Variants in CKAP4 observed in about 807,000 individuals in gnomAD.
The protein encoded by CKAP4 is cytoskeleton-associated protein 4.
In CKAP4, 20 loss-of-function variants were observed where a neutral mutation model predicts 24.4. That is an observed-to-expected ratio of 0.82 (90% CI 0.58 to 1.19). CKAP4 has a LOEUF of 1.19. CKAP4 is among the 50% of genes most tolerant of loss of function. The pLI is 0.00. For synonymous variants in CKAP4, 378 were observed against 351.7 expected (o/e 1.07, Z -0.84); for missense variants, 744 against 765.3 (o/e 0.97, Z 0.33).
Position 106,247,834 on chromosome 12 carries a change from T to C in CKAP4, c.18A>G (p.Gln6=). Residue 6 remains glutamine (Q), a synonymous_variant, in exon 1 of 2, where the codon CAA becomes CAG. Coordinates refer to ENST00000378026, the MANE Select transcript of CKAP4 (RefSeq NM_006825.4). This position sits in a 1 kb window ranked among gnomAD's most constrained non-coding sequence, Gnocchi z 4.5. MPSAK[Q]RGSKGGHGAA... ...CGCCGTGGCCGCCCTTGGAGCCCCT[T>C]TGTTTGGCCGAGGGCATGGCGGGCG... The C allele has an allele frequency of 9.6e-7, 1 of 1,037,510 alleles. No individual in the cohort carries two copies. The highest frequency in any genetic ancestry group is 1.2e-6 in the Non-Finnish European group (1 of 867,708). 64.3% of individuals were successfully genotyped at this position (1,037,510 alleles called of 1,614,324 possible). A position where few individuals can be genotyped will look rare whatever the true frequency, so the allele number is the denominator to read the frequency against.
In CKAP4 at chr12:106,238,699, A is replaced by C; in HGVS notation, c.*325T>G. 5.0e-6 allele frequency: 1 copy of C among 200,328 alleles called. No individual in the cohort carries two copies. The highest frequency in any genetic ancestry group is 9.9e-6 in the Non-Finnish European group (1 of 100,990). The allele number at this position is 200,328 out of a possible 1,614,324, so 12.4% of individuals were successfully genotyped here. A position where few individuals can be genotyped will look rare whatever the true frequency, so the allele number is the denominator to read the frequency against. ...TTTACTTGAAATCTGCCAGCCAGAC[A>C]GGATTTCTGAGGTTAATCTGCTTCT... On this transcript the variant is annotated 3_prime_UTR_variant, in exon 2 of 2. Coordinates refer to ENST00000378026, the MANE Select transcript of CKAP4 (RefSeq NM_006825.4).
intron 1 of CKAP4, among the ~76,000 whole-genome samples, chr12:106,240,650 A>G (rs1592897059): frequency 6.9e-6 from 1 of 144,560 alleles, no homozygotes; most frequent in Non-Finnish European, 1.5e-5. Context: ...ACATGGTGCC[A>G]CCTTTAATGC....
At position 106,247,846 on chromosome 12, in the gene CKAP4, G is replaced by T; in HGVS notation, c.6C>A (p.Pro2=). M[P]SAKQRGSKGG... is the part of the protein sequence containing the mutation. Reference sequence around the variant, plus strand: ...CCTTGGAGCCCCTTTGTTTGGCCGAGGGCATGGCGGGCGCGGCGGCGGCTC... The same window carrying T: ...CCTTGGAGCCCCTTTGTTTGGCCGATGGCATGGCGGGCGCGGCGGCGGCTC... Residue 2 remains proline, a synonymous_variant, in exon 1 of 2, where the codon CCC becomes CCA. Coordinates refer to ENST00000378026, the MANE Select transcript of CKAP4 (RefSeq NM_006825.4). This position sits in a 1 kb window ranked among gnomAD's most constrained non-coding sequence, Gnocchi z 4.5. 9.6e-7 allele frequency: 1 copy of T among 1,041,050 alleles called. No individual in the cohort carries two copies. The highest frequency in any genetic ancestry group is 1.2e-6 in the Non-Finnish European group (1 of 868,504). The allele number at this position is 1,041,050 out of a possible 1,614,324, so 64.5% of individuals were successfully genotyped here.
intron 1 of CKAP4, among the ~76,000 whole-genome samples, chr12:106,241,299 T>C (rs1565948882): frequency 6.6e-6 from 1 of 151,586 alleles, no homozygotes; most frequent in Non-Finnish European, 1.5e-5. Context: ...CCTAAAATGC[T>C]TTGGGTAAAC....
At chr12:106,246,823 T>TAA (rs2034015219) in intron 1 of CKAP4, 1 of 152,320 alleles carries the variant, frequency 6.6e-6, no homozygotes, top group African/African-American at 2.4e-5. Flanking sequence ...ACAAGGGACC[T>TAA]AAAGATAGAT....
Position 106,247,650 on chromosome 12 carries a change from C to A in CKAP4, c.202G>T (p.Gly68Cys). Reference protein sequence around the residue: ...HPQNQAHGKGGHRGGGGGGGK... With the variant: ...HPQNQAHGKGCHRGGGGGGGK... ...CCGCCGCCGCCGCCGCCGCGGTGGC[C>A]GCCCTTGCCGTGCGCCTGGTTCTGC... The change falls in exon 1 of 2, where the codon GGC (glycine) becomes TGC (cysteine). Residue 68 changes from glycine (G) to cysteine (C), a missense_variant. Coordinates refer to ENST00000378026, the MANE Select transcript of CKAP4 (RefSeq NM_006825.4). This position sits in a 1 kb window ranked among gnomAD's most constrained non-coding sequence, Gnocchi z 4.5. 2.8e-6 allele frequency: 3 copies of A among 1,075,660 alleles called. No individual in the cohort carries two copies. Among genetic ancestry groups the A allele is most frequent in the Middle Eastern group, 3.8e-4 (1 of 2,658 alleles). 66.6% of individuals were successfully genotyped at this position (1,075,660 alleles called of 1,614,324 possible). A position where few individuals can be genotyped will look rare whatever the true frequency, so the allele number is the denominator to read the frequency against.
Position 106,247,720 on chromosome 12 carries a change from CGG to C in CKAP4, c.130_131del (p.Pro44AlafsTer129). ...KKPPPAPQQP[P>X]PPPAPHPQQH... ...GCTGCGGGTGCGGCGCGGGCGGCGG[CGG>C]CGGCTGCTGCGGCGCCGGCGGCGGC... On this transcript the variant is annotated frameshift_variant, in exon 1 of 2. Transcript: ENST00000378026. This position sits in a 1 kb window ranked among gnomAD's most constrained non-coding sequence, Gnocchi z 4.5. The C allele has an allele frequency of 9.6e-7, 1 of 1,043,238 alleles. No individual in the cohort carries two copies. The highest frequency in any genetic ancestry group is 1.1e-6 in the Non-Finnish European group (1 of 873,480). 64.6% of individuals were successfully genotyped at this position (1,043,238 alleles called of 1,614,324 possible). A position where few individuals can be genotyped will look rare whatever the true frequency, so the allele number is the denominator to read the frequency against.
chr12:106,239,893 G>C lies in CKAP4; in HGVS notation c.940C>G (p.Leu314Val), dbSNP rs757898039. 2.5e-6 allele frequency: 4 copies of C among 1,612,836 alleles called. No individual in the cohort carries two copies. In the East Asian group the frequency reaches 8.9e-5, roughly 36 times the overall value. ...EWDMEALRST[L>V]QTMESDIYTE... ...TAGATGTCAGACTCCATAGTCTGAA[G>C]GGTACTTCTCAGGGCCTCCATGTCC... Residue 314 changes from leucine (L) to valine (V), a missense_variant, in exon 2 of 2, where the codon CTT (leucine) becomes GTT (valine). Coordinates refer to ENST00000378026, the MANE Select transcript of CKAP4 (RefSeq NM_006825.4). This position sits in a 1 kb window ranked among gnomAD's most constrained non-coding sequence, Gnocchi z 4.9.
Position 106,247,637 on chromosome 12 carries a change from C to G in CKAP4, c.215G>C (p.Gly72Ala). 1.9e-6 allele frequency: 2 copies of G among 1,072,306 alleles called. No homozygotes were observed. Among genetic ancestry groups the G allele is most frequent in the Non-Finnish European group, 1.2e-6 (1 of 850,582 alleles). The allele number at this position is 1,072,306 out of a possible 1,614,324, so 66.4% of individuals were successfully genotyped here. A position where few individuals can be genotyped will look rare whatever the true frequency, so the allele number is the denominator to read the frequency against. The stretch of plus-strand genomic sequence containing the variant: ...GGAGGACTTGCCGCCGCCGCCGCCG[C>G]CGCCGCGGTGGCCGCCCTTGCCGTG... ...QAHGKGGHRG[G>A]GGGGGKSSSS... Residue 72 changes from glycine to alanine, a missense_variant, in exon 1 of 2, where the codon GGC becomes GCC. By Grantham distance (60) the Gly-to-Ala change is moderately conservative (BLOSUM62 0). Transcript: ENST00000378026. This position sits in a 1 kb window ranked among gnomAD's most constrained non-coding sequence, Gnocchi z 4.5.
In CKAP4 at chr12:106,247,633, G is replaced by A. The variant is rs1338427169; in HGVS notation, c.219C>T (p.Gly73=). 4.0e-6 allele frequency: 4 copies of A among 1,005,196 alleles called. No individual in the cohort carries two copies. The highest frequency in any genetic ancestry group is 2.7e-5 in the South Asian group (1 of 36,972). The allele number at this position is 1,005,196 out of a possible 1,614,324, so 62.3% of individuals were successfully genotyped here. A position where few individuals can be genotyped will look rare whatever the true frequency, so the allele number is the denominator to read the frequency against. The part of the protein sequence containing the change: ...AHGKGGHRGG[G]GGGGKSSSSS... ...AGGAGGAGGACTTGCCGCCGCCGCC[G>A]CCGCCGCCGCGGTGGCCGCCCTTGC... Residue 73 remains glycine (G), a synonymous_variant, in exon 1 of 2, where the codon GGC becomes GGT. Transcript: ENST00000378026. The surrounding 1 kb of genome is among the most constrained non-coding windows in gnomAD (Gnocchi z 4.5).
chr12:106,240,683 G>GA (rs1031487981), intron 1 of CKAP4, among the ~76,000 whole-genome samples: 5 of 137,332 alleles, frequency 3.6e-5, no homozygotes, highest in African/African-American at 5.4e-5. Flanking sequence ...AAAAAAAAAA[G>GA]AAAAAAAAAG....
intron 1 of CKAP4, among the ~76,000 whole-genome samples, chr12:106,243,867 A>G (rs1407757492): frequency 6.6e-6 from 1 of 152,202 alleles, no homozygotes; most frequent in Non-Finnish European, 1.5e-5. Flanking sequence ...GTACTACTAA[A>G]TGATACCTGC....
intron 1 of CKAP4, among the ~76,000 whole-genome samples, chr12:106,242,937 T>C (rs2136535776): frequency 6.6e-6 from 1 of 152,356 alleles, no homozygotes; most frequent in East Asian, 1.9e-4. Context: ...AAGAACATGG[T>C]GTTCCCCTAC....
At chr12:106,241,232 G>A (rs2033967448) in intron 1 of CKAP4, among the ~76,000 whole-genome samples, 1 of 152,076 alleles carries the variant, frequency 6.6e-6, no homozygotes, top group Admixed American at 6.5e-5. Flanking sequence ...AAAACAAACA[G>A]GGAAAGGAGT....
At chr12:106,242,380 A>C (rs1364391735) in intron 1 of CKAP4, among the ~76,000 whole-genome samples, 4 of 152,246 alleles carry the variant, frequency 2.6e-5, no homozygotes, top group Non-Finnish European at 5.9e-5. Flanking sequence ...GGATAAACTG[A>C]AGTGGGATGT....
chr12:106,239,881 C>T lies in CKAP4; in HGVS notation c.952G>A (p.Glu318Lys). 1 of 1,612,972 alleles carries T rather than the reference C, an allele frequency of 6.2e-7. No individual in the cohort carries two copies. The highest frequency in any genetic ancestry group is 8.5e-7 in the Non-Finnish European group (1 of 1,179,644). ...EALRSTLQTMESDIYTEVREL... is the reference protein window; with the variant it reads ...EALRSTLQTMKSDIYTEVREL... The stretch of plus-strand genomic sequence containing the variant: ...CGGACCTCGGTGTAGATGTCAGACT[C>T]CATAGTCTGAAGGGTACTTCTCAGG... The change falls in exon 2 of 2, where the codon GAG (glutamate) becomes AAG (lysine). Residue 318 changes from glutamate (E) to lysine (K), a missense_variant. Physicochemically the swap from Glu to Lys is moderately conservative, Grantham distance 56. Coordinates refer to ENST00000378026, the MANE Select transcript of CKAP4 (RefSeq NM_006825.4). The surrounding 1 kb of genome is among the most constrained non-coding windows in gnomAD (Gnocchi z 4.9).
chr12:106,237,992 G>GTTTTTTTTTTTTTTTTTTTTCTTT lies in CKAP4; in HGVS notation c.*1031_*1032insAAAGAAAAAAAAAAAAAAAAAAAA, dbSNP rs2033921519. On this transcript the variant is annotated 3_prime_UTR_variant, in exon 2 of 2. Transcript: ENST00000378026. The stretch of plus-strand genomic sequence containing the variant: ...TTTTTTTTTTTTTTTTACTTTTCGG[G>GTTTTTTTTTTTTTTTTTTTTCTTT]TTTTTTTTTTTTTTTTTTTTTCAAT... 1.4e-5 allele frequency: 1 copy of GTTTTTTTTTTTTTTTTTTTTCTTT among 70,512 alleles called. No homozygotes were observed. Among genetic ancestry groups the GTTTTTTTTTTTTTTTTTTTTCTTT allele is most frequent in the African/African-American group, 6.2e-5 (1 of 16,246 alleles). The allele number at this position is 70,512 out of a possible 1,614,324, so 4.4% of individuals were successfully genotyped here. A position where few individuals can be genotyped will look rare whatever the true frequency, so the allele number is the denominator to read the frequency against.
In CKAP4 at chr12:106,247,754, G is replaced by T; in HGVS notation, c.98C>A (p.Ala33Glu). The T allele has an allele frequency of 9.5e-7, 1 of 1,052,786 alleles. No homozygotes were observed. The highest frequency in any genetic ancestry group is 1.1e-6 in the Non-Finnish European group (1 of 879,454). The allele number at this position is 1,052,786 out of a possible 1,614,324, so 65.2% of individuals were successfully genotyped here. A position where few individuals can be genotyped will look rare whatever the true frequency, so the allele number is the denominator to read the frequency against. The change falls in exon 1 of 2, where the codon GCG (alanine) becomes GAG (glutamate). Residue 33 changes from alanine (A) to glutamate (E), a missense_variant. Coordinates refer to ENST00000378026, the MANE Select transcript of CKAP4 (RefSeq NM_006825.4). This position sits in a 1 kb window ranked among gnomAD's most constrained non-coding sequence, Gnocchi z 4.5. Reference protein sequence around the residue: ...AHPSGGADDVAKKPPPAPQQP... With the variant: ...AHPSGGADDVEKKPPPAPQQP... ...CTGCGGCGCCGGCGGCGGCTTCTTC[G>T]CCACGTCATCCGCGCCGCCCGACGG... is the stretch of plus-strand genomic sequence containing the variant.
At chr12:106,245,442 A>G (rs2034000610) in intron 1 of CKAP4, among the ~76,000 whole-genome samples, 1 of 152,184 alleles carries the variant, frequency 6.6e-6, no homozygotes, top group Non-Finnish European at 1.5e-5. Context: ...GCTAGTCATT[A>G]TACTCCAGCA....
Sources: allele counts gnomAD v4.1 joint callset (sites outside exome capture counted in the v4.1 genomes callset), GRCh38; gene constraint gnomAD v4.1.1; non-coding constraint Gnocchi (gnomAD v3.1); transcripts MANE v1.5; gene names NCBI Gene and HGNC (gene_info 2026-07-23, HGNC 2026-07-21).